Variants in SORT1 observed in about 807,000 individuals in gnomAD.
SORT1 encodes the protein sortilin 1.
A neutral mutation model predicts 101.7 loss-of-function variants in SORT1; 39 were observed. The observed-to-expected ratio is 0.38, with a 90% CI of 0.30 to 0.50. The LOEUF (loss-of-function observed/expected upper bound fraction) is 0.50. Among genes scored for constraint, SORT1 ranks in the 20% least tolerant of loss-of-function variants. SORT1 has a pLI of 0.90. For missense variants in SORT1, 878 were observed against 1,040.4 expected (o/e 0.84, Z 2.15); for synonymous variants, 396 against 393.7 (o/e 1.01, Z -0.07).
intron 1 of SORT1, among the ~76,000 whole-genome samples, chr1:109,372,566 G>T (rs528044034): frequency 6.6e-6 from 1 of 152,052 alleles, no homozygotes; most frequent in African/African-American, 2.4e-5. Context: ...GGAGTGACAG[G>T]GATCACATTT....
intron 9 of SORT1, 146 bp downstream of exon 9, chr1:109,341,868 G>T (rs1458043937): frequency 1.2e-5 from 9 of 763,356 alleles, no homozygotes; most frequent in Admixed American, 2.0e-5. Context: ...TTTTAACAGG[G>T]GCTACAGATG....
At chr1:109,392,574 G>A in intron 1 of SORT1, 2 of 981,286 alleles carry the variant, frequency 2.0e-6, no homozygotes, top group African/African-American at 1.7e-5. Context: ...AAACATTTGA[G>A]TCAGCAGAGA....
chr1:109,362,527 G>C (rs1032285485), intron 3 of SORT1, among the ~76,000 whole-genome samples: 2 of 152,042 alleles, frequency 1.3e-5, no homozygotes, highest in East Asian at 1.9e-4. Context: ...TTCCCCCACT[G>C]TCTGATATTA....
intron 10 of SORT1, among the ~76,000 whole-genome samples, chr1:109,339,619 T>C (rs1224950705): frequency 2.0e-5 from 3 of 152,186 alleles, no homozygotes; most frequent in Admixed American, 6.5e-5. Flanking sequence ...AGTAGAGAAA[T>C]TGGAATCCTT....
At chr1:109,332,966 T>C (rs1443955191) in intron 11 of SORT1, among the ~76,000 whole-genome samples, 1 of 152,170 alleles carries the variant, frequency 6.6e-6, no homozygotes, top group Non-Finnish European at 1.5e-5. Flanking sequence ...TCTTGCTCTG[T>C]CGCCAGGCTG....
chr1:109,332,125 C>A (rs1648501473), intron 11 of SORT1, among the ~76,000 whole-genome samples: 1 of 151,414 alleles, frequency 6.6e-6, no homozygotes, highest in Non-Finnish European at 1.5e-5. Context: ...AAGTGATCTA[C>A]AGATTAAATG....
intron 3 of SORT1, among the ~76,000 whole-genome samples, chr1:109,365,780 C>G (rs953140449): frequency 3.9e-5 from 6 of 152,280 alleles, no homozygotes; most frequent in African/African-American, 1.4e-4. Context: ...ATGGCAATTC[C>G]TTGTTGGCCT....
intron 1 of SORT1, among the ~76,000 whole-genome samples, chr1:109,390,168 C>T (rs548694174): frequency 3.9e-5 from 6 of 152,222 alleles, no homozygotes; most frequent in Admixed American, 2.0e-4. Flanking sequence ...CACTTTGATT[C>T]TCTCTTCAGC....
chr1:109,373,932 T>A (rs913084277), intron 1 of SORT1, among the ~76,000 whole-genome samples: 3 of 151,362 alleles, frequency 2.0e-5, no homozygotes, highest in African/African-American at 4.9e-5. Flanking sequence ...AAAAACAATT[T>A]AAAAAAATCA....
intron 1 of SORT1, among the ~76,000 whole-genome samples, chr1:109,378,500 G>T (rs1440408362): frequency 1.3e-5 from 2 of 150,988 alleles, no homozygotes; most frequent in Non-Finnish European, 2.9e-5. Flanking sequence ...AAAGTAAGAA[G>T]AATAAATGAA....
rs374692077 is a variant in SORT1 at position 109,369,317 on chromosome 1, C to T, written c.366+213G>A. On this transcript the variant is annotated intron_variant, in intron 2 of 19. Coordinates refer to ENST00000256637, the MANE Select transcript of SORT1 (RefSeq NM_002959.7). ...AACTTGGGCAACAAGAGCGAAACTC[C>T]GTCCCCACCCCCCCGCAAAAAAGAT... 1.7e-3 allele frequency among the ~76,000 whole-genome samples: 256 copies of T among 152,180 alleles called. 1 individual carries two copies. The highest frequency in any genetic ancestry group is 5.7e-3 in the African/African-American group (235 of 41,534).
At chr1:109,374,584 G>A (rs1188081509) in intron 1 of SORT1, among the ~76,000 whole-genome samples, 1 of 148,170 alleles carries the variant, frequency 6.7e-6, no homozygotes, top group Non-Finnish European at 1.5e-5. Context: ...AGAAAACACC[G>A]TCTCAAAAAA....
At chr1:109,346,744 C>CAA (rs1035471524) in intron 7 of SORT1, among the ~76,000 whole-genome samples, 54 of 46,608 alleles carry the variant, frequency 1.2e-3, no homozygotes, top group African/African-American at 3.3e-3. Context: ...GACTCCGTCT[C>CAA]AAAAAAAAAA....
intron 16 of SORT1, among the ~76,000 whole-genome samples, 171 bp downstream of exon 16, chr1:109,317,682 C>T (rs1415067774): frequency 1.3e-5 from 2 of 152,176 alleles, no homozygotes; most frequent in African/African-American, 4.8e-5. Context: ...GCACTCATGG[C>T]TCACCTCCTG....
At chr1:109,355,293 T>G (rs923540648) in intron 4 of SORT1, 74 bp downstream of exon 4, 2 of 798,390 alleles carry the variant, frequency 2.5e-6, no homozygotes, top group South Asian at 2.7e-5. Context: ...CACTGGACCA[T>G]GCCAATACTA....
chr1:109,318,690 C>T (rs1050835197), intron 15 of SORT1, among the ~76,000 whole-genome samples: 2 of 151,892 alleles, frequency 1.3e-5, no homozygotes, highest in African/African-American at 2.4e-5. Flanking sequence ...GACAGGGTCT[C>T]GCTCTGTTGC....
chr1:109,374,590 A>AC (rs943300948), intron 1 of SORT1, among the ~76,000 whole-genome samples: 2 of 149,624 alleles, frequency 1.3e-5, no homozygotes, highest in African/African-American at 4.9e-5. Context: ...CACCGTCTCA[A>AC]AAAAAAAAAG....
chr1:109,321,561 G>A (rs914774718), intron 15 of SORT1, among the ~76,000 whole-genome samples: 8 of 152,196 alleles, frequency 5.3e-5, no homozygotes, highest in African/African-American at 1.9e-4. Flanking sequence ...AAACAGAGAA[G>A]GGAGGACCCT....
intron 11 of SORT1, among the ~76,000 whole-genome samples, chr1:109,333,719 G>T (rs965126136): frequency 6.6e-6 from 1 of 152,198 alleles, no homozygotes; most frequent in African/African-American, 2.4e-5. Context: ...ACCCAAGTTA[G>T]AATGGCTATT....
Sources: allele counts gnomAD v4.1 joint callset (sites outside exome capture counted in the v4.1 genomes callset), GRCh38; gene constraint gnomAD v4.1.1; transcripts MANE v1.5; gene names NCBI Gene and HGNC (gene_info 2026-07-23, HGNC 2026-07-21).